GCN1: variants seen among roughly 807,000 people sequenced by gnomAD.
The protein encoded by GCN1 is GCN1 activator of EIF2AK4.
GCN1 carries 90 observed loss-of-function variants against 288.4 expected under a neutral mutation model. The observed-to-expected ratio is 0.31, with a 90% CI of 0.26 to 0.37. The LOEUF (loss-of-function observed/expected upper bound fraction) is 0.37. Among genes scored for constraint, GCN1 ranks in the 10% least tolerant of loss-of-function variants. The pLI is 1.00. For missense variants in GCN1, 2,586 were observed against 3,419.9 expected (o/e 0.76, Z 6.08); for synonymous variants, 1,386 against 1,420.2 (o/e 0.98, Z 0.54).
At position 120,152,029 on chromosome 12, in the gene GCN1, TTTTTTG is replaced by T. The variant is rs200816452; in HGVS notation, c.4063-644_4063-639del. On this transcript the variant is annotated intron_variant, in intron 33 of 57. Transcript: ENST00000300648. The stretch of plus-strand genomic sequence containing the variant: ...ATTTTTTTGGTAAAGTTTTTTGTTG[TTTTTTG>T]TTTTTGTTTTTAGAAATAGGGTCTT... Among the ~76,000 whole-genome samples, 521 of 152,246 alleles carry T rather than the reference TTTTTTG, an allele frequency of 3.4e-3. 3 individuals carry two copies. The highest frequency in any genetic ancestry group is 0.012 in the African/African-American group (495 of 41,536).
Position 120,182,173 on chromosome 12 carries a change from C to A in GCN1, c.426+1396G>T, listed in dbSNP as rs1017759379. 5.4e-3 allele frequency among the ~76,000 whole-genome samples: 799 copies of A among 148,152 alleles called. 4 individuals carry two copies. The highest frequency in any genetic ancestry group is 8.3e-3 in the Non-Finnish European group (557 of 66,748). On this transcript the variant is annotated intron_variant, in intron 5 of 57. Coordinates refer to ENST00000300648, the MANE Select transcript of GCN1 (RefSeq NM_006836.2). ...CTCAAAGAAAACAAAAAAAAAAAAA[C>A]AAAAAAAACCACTCAGTGCAGATAA...
chr12:120,144,019 C>T lies in GCN1; in HGVS notation c.5495+287G>A, dbSNP rs984971991. Among the ~76,000 whole-genome samples, 3 of 152,136 alleles carry T rather than the reference C, an allele frequency of 2.0e-5. No individual in the cohort carries two copies. Among genetic ancestry groups the T allele is most frequent in the Non-Finnish European group, 2.9e-5 (2 of 68,028 alleles). Reference sequence around the variant, plus strand: ...TAAGACAGCGTCTTGCTCTGTTGCCCAGGTTGGAGTGCAGTGGCACAATCT... The same window carrying T: ...TAAGACAGCGTCTTGCTCTGTTGCCTAGGTTGGAGTGCAGTGGCACAATCT... On this transcript the variant is annotated intron_variant, in intron 42 of 57. Coordinates refer to ENST00000300648, the MANE Select transcript of GCN1 (RefSeq NM_006836.2). This position sits in a 1 kb window ranked among gnomAD's most constrained non-coding sequence, Gnocchi z 4.7.
intron 36 of GCN1, 149 bp downstream of exon 36, chr12:120,149,457 T>G (rs1877468504): frequency 1.6e-6 from 1 of 613,558 alleles, no homozygotes; most frequent in Non-Finnish European, 3.0e-6. Context: ...AGAGCAAGAC[T>G]CCATCTCAAA....
chr12:120,176,926 C>T (rs1035068884), intron 9 of GCN1, among the ~76,000 whole-genome samples: 4 of 152,126 alleles, frequency 2.6e-5, no homozygotes, highest in African/African-American at 9.7e-5. Context: ...GCCACCACGC[C>T]TAATTTTTTT....
chr12:120,140,389 G>A (rs1285570449), intron 45 of GCN1, among the ~76,000 whole-genome samples: 2 of 152,074 alleles, frequency 1.3e-5, no homozygotes, highest in African/African-American at 2.4e-5. Flanking sequence ...GTTGCCAGAC[G>A]CAATATGCTT....
At position 120,156,493 on chromosome 12, in the gene GCN1, G is replaced by A. The variant is rs765471993; in HGVS notation, c.3280C>T (p.Pro1094Ser). 4.3e-6 allele frequency: 7 copies of A among 1,614,042 alleles called. No individual in the cohort carries two copies. The highest frequency in any genetic ancestry group is 5.9e-6 in the Non-Finnish European group (7 of 1,179,992). Residue 1094 changes from proline (P) to serine (S), a missense_variant, in exon 28 of 58, where the codon CCG (proline) becomes TCG (serine). This residue lies in a region of GCN1 where 332 missense variants were observed against 403.0 expected (regional missense o/e 0.82). Coordinates refer to ENST00000300648, the MANE Select transcript of GCN1 (RefSeq NM_006836.2). The surrounding 1 kb of genome is among the most constrained non-coding windows in gnomAD (Gnocchi z 5.8). ...VDVLLCALQS[P>S]CASVRETVLR... ...ACGGTTTCCCGCACGCTGGCACACG[G>A]GGACTGCAAGGCACAGAGCAGCACG...
chr12:120,146,346 TTTAA>T (rs748073553), intron 38 of GCN1, among the ~76,000 whole-genome samples: 77 of 152,228 alleles, frequency 5.1e-4, no homozygotes, highest in Non-Finnish European at 9.3e-4. Flanking sequence ...TTCTAATTTT[TTTAA>T]TTAATTAATT....
intron 36 of GCN1, among the ~76,000 whole-genome samples, chr12:120,149,097 T>G (rs1253872908): frequency 4.0e-5 from 6 of 150,914 alleles, no homozygotes; most frequent in African/African-American, 1.5e-4. Flanking sequence ...AGAGCTTTCC[T>G]GGGGGGGGAA....
chr12:120,167,537 T>C (rs1259130379), intron 16 of GCN1, among the ~76,000 whole-genome samples: 1 of 152,124 alleles, frequency 6.6e-6, no homozygotes, highest in African/African-American at 2.4e-5. Context: ...AAGAAGCTAA[T>C]AAAATTGGTT....
chr12:120,155,355 C>G lies in GCN1; in HGVS notation c.3516G>C (p.Glu1172Asp), dbSNP rs374576633. The stretch of plus-strand genomic sequence containing the variant: ...CGGCCCCTGCCTGCCTTACAGCCGC[C>G]TCATGATAGATCACGTCGTCAATCA... The part of the protein sequence containing the change: ...SLLIDDVIYH[E>D]AAVRQAGAEA... The change falls in exon 30 of 58, where the codon GAG becomes GAC. Residue 1172 changes from glutamate (E) to aspartate (D), a missense_variant. By Grantham distance (45) the Glu-to-Asp change is conservative. Around this residue, in one of 8 missense-constraint regions of GCN1, gnomAD observed 332 missense variants for 403.0 expected, o/e 0.82. Coordinates refer to ENST00000300648, the MANE Select transcript of GCN1 (RefSeq NM_006836.2). The surrounding 1 kb of genome is among the most constrained non-coding windows in gnomAD (Gnocchi z 4.9). 6 of 1,614,050 alleles carry G rather than the reference C, an allele frequency of 3.7e-6. No homozygotes were observed. In the African/African-American group the frequency reaches 8.0e-5, roughly 22 times the overall value.
Position 120,159,952 on chromosome 12 carries a change from G to A in GCN1, c.2622C>T (p.Thr874=). The change falls in exon 24 of 58, where the codon ACC becomes ACT. Residue 874 remains threonine, a synonymous_variant. Coordinates refer to ENST00000300648, the MANE Select transcript of GCN1 (RefSeq NM_006836.2). ...AGTCGACCAAAACAGGGATGTACTG[G>A]GTCAGGCCGGACGGGTTCTTGGCCA... The part of the protein sequence containing the change: ...IILAKNPSGL[T]QYIPVLVDSF... 6.2e-7 allele frequency: 1 copy of A among 1,614,096 alleles called. No individual in the cohort carries two copies. Among genetic ancestry groups the A allele is most frequent in the Non-Finnish European group, 8.5e-7 (1 of 1,179,962 alleles).
intron 33 of GCN1, among the ~76,000 whole-genome samples, chr12:120,152,411 A>ACAATATATATATAT (rs1555300599): frequency 3.0e-5 from 4 of 132,614 alleles, no homozygotes; most frequent in Middle Eastern, 3.9e-3. Flanking sequence ...ACACACACAC[A>ACAATATATATATAT]AAATATATAT....
intron 1 of GCN1, among the ~76,000 whole-genome samples, chr12:120,192,414 G>A (rs886908229): frequency 6.6e-6 from 1 of 152,144 alleles, no homozygotes; most frequent in Non-Finnish European, 1.5e-5. Context: ...ATTCTAGGTT[G>A]AAATCATTTT....
At chr12:120,194,655 T>TTGGCCCCGC (rs1566324913) in intron 1 of GCN1, 25 bp downstream of exon 1, 9 of 1,513,892 alleles carry the variant, frequency 5.9e-6, no homozygotes, top group Admixed American at 2.0e-5. Context: ...CCTGGCCGCG[T>TTGGCCCCGC]TGGCCCCGCA....
chr12:120,175,265 A>T, intron 11 of GCN1, 53 bp from the exon 12 acceptor site: 1 of 1,471,112 alleles, frequency 6.8e-7, no homozygotes, highest in Non-Finnish European at 9.5e-7. Flanking sequence ...ATTTCCCAAG[A>T]GAGTGAACAA....
intron 12 of GCN1, 26 bp downstream of exon 12, chr12:120,175,126 CAAAAAAAAAA>C (rs58560211): frequency 8.5e-6 from 9 of 1,064,998 alleles, no homozygotes; most frequent in East Asian, 2.6e-5. Context: ...GACTTTCTCT[CAAAAAAAAAA>C]AAAAAAAAAA....
rs1877073267 is a variant in GCN1, at chr12:120,138,132, A to G, written c.6250-88T>C. The G allele has an allele frequency of 3.2e-6, 4 of 1,254,378 alleles. No homozygotes were observed. In the South Asian group the frequency reaches 5.4e-5, roughly 17 times the overall value. 77.7% of individuals were successfully genotyped at this position (1,254,378 alleles called of 1,614,324 possible). A position where few individuals can be genotyped will look rare whatever the true frequency, so the allele number is the denominator to read the frequency against. On this transcript the variant is annotated intron_variant, in intron 47 of 57. Coordinates refer to ENST00000300648, the MANE Select transcript of GCN1 (RefSeq NM_006836.2). ...AACAGACGGGTGGGCAAGAGAGCCC[A>G]AGCCCACTGCTCAGAGCCAAGCATC... is the stretch of plus-strand genomic sequence containing the variant.
chr12:120,144,659 T>C lies in GCN1; in HGVS notation c.5332A>G (p.Ile1778Val), dbSNP rs1360842615. 1.2e-6 allele frequency: 2 copies of C among 1,613,882 alleles called. No individual in the cohort carries two copies. The highest frequency in any genetic ancestry group is 1.1e-5 in the South Asian group (1 of 91,084). ...CCTACTTTGAGGATACAGGGGATGA[T>C]GGGCCCCACATAAGGAGTAAACTTG... ...GDKFTPYVGP[I>V]IPCILKALAD... Residue 1778 changes from isoleucine (I) to valine (V), a missense_variant, in exon 41 of 58, where the codon ATC becomes GTC. Coordinates refer to ENST00000300648, the MANE Select transcript of GCN1 (RefSeq NM_006836.2). This position sits in a 1 kb window ranked among gnomAD's most constrained non-coding sequence, Gnocchi z 4.7.
Position 120,149,641 on chromosome 12 carries a change from G to C in GCN1, c.4511C>G (p.Ala1504Gly), listed in dbSNP as rs1877475767. The C allele has an allele frequency of 1.2e-6, 2 of 1,613,738 alleles. No individual in the cohort carries two copies. The highest frequency in any genetic ancestry group is 2.7e-5 in the African/African-American group (2 of 74,874). The part of the protein sequence containing the change: ...GVKLVLPSLL[A>G]ALEEESWRTK... ...CCGCCACGATTCCTCCTCCAGGGCA[G>C]CCAGTAAGGAGGGGAGCACCAGCTT... Residue 1504 changes from alanine to glycine, a missense_variant, in exon 36 of 58, where the codon GCT (alanine) becomes GGT (glycine). Ala to Gly is a moderately conservative substitution (Grantham distance 60). Around this residue, in one of 8 missense-constraint regions of GCN1, gnomAD observed 371 missense variants for 572.6 expected, o/e 0.65. Transcript: ENST00000300648.
Sources: allele counts gnomAD v4.1 joint callset (sites outside exome capture counted in the v4.1 genomes callset), GRCh38; gene constraint gnomAD v4.1.1; regional missense constraint gnomAD v4.1.1; non-coding constraint Gnocchi (gnomAD v3.1); transcripts MANE v1.5; gene names NCBI Gene and HGNC (gene_info 2026-07-23, HGNC 2026-07-21).